Variants in KCNMA1 observed in about 807,000 individuals in gnomAD.
The protein encoded by KCNMA1 is potassium calcium-activated channel subfamily M alpha 1, also known as Calcium-activated potassium channel subunit alpha-1.
Under a neutral mutation model 140.0 loss-of-function variants are expected in KCNMA1, and 29 were observed. The ratio of observed to expected loss-of-function variants is 0.21; its 90% confidence interval spans 0.15 to 0.28. KCNMA1 has a LOEUF of 0.28. KCNMA1 is among the 10% of genes least tolerant of loss of function. The pLI, the probability that KCNMA1 is intolerant of heterozygous loss-of-function variation, is 1.00. For synonymous variants in KCNMA1, 612 were observed against 611.9 expected (o/e 1.00, Z 0.00); for missense variants, 880 against 1,602.2 (o/e 0.55, Z 7.70).
chr10:77,595,390 T>G, intron 1 of KCNMA1, among the ~76,000 whole-genome samples: 1 of 138,222 alleles, frequency 7.2e-6, no homozygotes. Flanking sequence ...TAGCAAACAG[T>G]CAAGTTTCCT....
chr10:76,875,252 T>C (rs2032153364), downstream of KCNMA1: 1 of 152,224 alleles, frequency 6.6e-6, no homozygotes, highest in Admixed American at 6.5e-5. Flanking sequence ...CCTCATTTTG[T>C]TTTCTAGTCC....
intron 1 of KCNMA1, among the ~76,000 whole-genome samples, chr10:77,486,540 C>T (rs1260516966): frequency 1.3e-5 from 2 of 152,182 alleles, no homozygotes; most frequent in Non-Finnish European, 2.9e-5. Flanking sequence ...CTGTTCTTAA[C>T]CTCTCTTGAC....
Position 76,887,137 on chromosome 10 carries a change from A to C in KCNMA1, c.*129T>G, listed in dbSNP as rs201808440. 56 of 1,604,344 alleles carry C rather than the reference A, an allele frequency of 3.5e-5. No individual in the cohort carries two copies. The highest frequency in any genetic ancestry group is 4.6e-5 in the Non-Finnish European group (54 of 1,178,518). On this transcript the variant is annotated 3_prime_UTR_variant, in exon 28 of 28. Transcript: ENST00000286628. ...GACAACCACATGCACACTATCATAC[A>C]TATGCAAATATGTGTAAAAAAAAAG...
intron 3 of KCNMA1, among the ~76,000 whole-genome samples, chr10:77,246,099 C>T (rs527586681): frequency 4.6e-5 from 7 of 152,308 alleles, no homozygotes; most frequent in Admixed American, 6.5e-5. Flanking sequence ...AGTGCATTGG[C>T]AGGATGAGGT....
At chr10:77,485,646 G>C (rs1216739166) in intron 1 of KCNMA1, among the ~76,000 whole-genome samples, 2 of 152,196 alleles carry the variant, frequency 1.3e-5, no homozygotes, top group Non-Finnish European at 2.9e-5. Context: ...CCATAGAGAA[G>C]ACAGTGGCTG....
At chr10:77,340,873 C>CAA (rs11297506) in intron 2 of KCNMA1, among the ~76,000 whole-genome samples, 107 of 135,602 alleles carry the variant, frequency 7.9e-4, no homozygotes, top group Admixed American at 1.7e-3. Flanking sequence ...TAAAAAATGC[C>CAA]AAAAAAAAAA....
At chr10:77,139,882 A>G (rs1280537334) in intron 5 of KCNMA1, among the ~76,000 whole-genome samples, 1 of 151,938 alleles carries the variant, frequency 6.6e-6, no homozygotes, top group African/African-American at 2.4e-5. Flanking sequence ...ATGAGCCACA[A>G]CTCGCACTGT....
intron 5 of KCNMA1, among the ~76,000 whole-genome samples, chr10:77,126,693 C>T (rs188776928): frequency 2.6e-5 from 4 of 151,132 alleles, no homozygotes; most frequent in African/African-American, 9.7e-5. Flanking sequence ...GGGGCTACAT[C>T]CCCTGTCAGT....
intron 3 of KCNMA1, among the ~76,000 whole-genome samples, chr10:77,242,899 T>TAAACAC (rs35452673): frequency 9.0e-6 from 1 of 111,578 alleles, no homozygotes; most frequent in African/African-American, 3.4e-5. Context: ...AATTGTTTCC[T>TAAACAC]ACACACACAC....
intron 1 of KCNMA1, among the ~76,000 whole-genome samples, chr10:77,487,610 G>A (rs1452590355): frequency 6.6e-6 from 1 of 152,116 alleles, no homozygotes; most frequent in Non-Finnish European, 1.5e-5. Flanking sequence ...TTTGTCATGG[G>A]CAATTCTCTC....
intron 5 of KCNMA1, among the ~76,000 whole-genome samples, chr10:77,143,973 T>C (rs567553245): frequency 5.7e-4 from 87 of 152,264 alleles, no homozygotes; most frequent in African/African-American, 1.9e-3. Context: ...ACGTTGCTAG[T>C]AGAAGTGTAA....
Position 77,033,809 on chromosome 10 carries a change from CA to C in KCNMA1, c.1859+5718del, listed in dbSNP as rs538790266. 4.7e-4 allele frequency among the ~76,000 whole-genome samples: 71 copies of C among 152,286 alleles called. No individual in the cohort carries two copies. In the East Asian group the frequency reaches 0.013, roughly 28 times the overall value. ...GTTTATTCACTAGCTCATAGAAGGT[CA>C]CCTCTTGGGTCTCTGTAGTAGAAAT... On this transcript the variant is annotated intron_variant, in intron 15 of 27. Coordinates refer to ENST00000286628, the MANE Select transcript of KCNMA1 (RefSeq NM_001161352.2).
chr10:77,418,185 G>A (rs966572750), intron 1 of KCNMA1, among the ~76,000 whole-genome samples: 1 of 152,100 alleles, frequency 6.6e-6, no homozygotes, highest in Non-Finnish European at 1.5e-5. Flanking sequence ...TTTTTCCATT[G>A]GATTCAGAGA....
chr10:76,922,302 A>G (rs556985232), intron 23 of KCNMA1, among the ~76,000 whole-genome samples: 1 of 152,362 alleles, frequency 6.6e-6, no homozygotes, highest in African/African-American at 2.4e-5. Context: ...AGAACCAGTT[A>G]GCAGCAGAAC....
chr10:77,295,464 A>C (rs1010402573), intron 2 of KCNMA1, among the ~76,000 whole-genome samples: 188 of 152,020 alleles, frequency 1.2e-3, no homozygotes, highest in African/African-American at 4.4e-3. Flanking sequence ...TTCTCACTGA[A>C]AGTGTACACT....
intron 1 of KCNMA1, among the ~76,000 whole-genome samples, chr10:77,519,499 T>A (rs922315947): frequency 5.3e-5 from 8 of 152,216 alleles, no homozygotes; most frequent in African/African-American, 1.9e-4. Context: ...TAATTGATTT[T>A]TTTTTTGTTT....
At chr10:77,376,111 A>T (rs765203642) in intron 2 of KCNMA1, among the ~76,000 whole-genome samples, 1 of 152,230 alleles carries the variant, frequency 6.6e-6, no homozygotes, top group Non-Finnish European at 1.5e-5. Context: ...GTCCTTGGTC[A>T]TTCTAGGTCC....
chr10:77,411,729 G>A (rs1174350491), intron 1 of KCNMA1, among the ~76,000 whole-genome samples: 1 of 152,198 alleles, frequency 6.6e-6, no homozygotes, highest in Admixed American at 6.5e-5. Context: ...CCTTCTTCCA[G>A]GGCCCTGTGC....
intron 1 of KCNMA1, among the ~76,000 whole-genome samples, chr10:77,523,057 C>T (rs1469505831): frequency 6.6e-6 from 1 of 152,066 alleles, no homozygotes; most frequent in East Asian, 1.9e-4. Context: ...TGGGAGTGGT[C>T]TTTTCCTCCC....
Sources: allele counts gnomAD v4.1 joint callset (sites outside exome capture counted in the v4.1 genomes callset), GRCh38; gene constraint gnomAD v4.1.1; transcripts MANE v1.5; gene names NCBI Gene and HGNC (gene_info 2026-07-23, HGNC 2026-07-21).